The following DCAF6 variants were observed in gnomAD, a reference collection of about 807,000 sequenced individuals.
DCAF6 encodes DDB1- and CUL4-associated factor 6.
Under a neutral mutation model 125.1 loss-of-function variants are expected in DCAF6, and 54 were observed. The ratio of observed to expected loss-of-function variants is 0.43; its 90% CI spans 0.35 to 0.54. The LOEUF is 0.54. Ranked by LOEUF, DCAF6 falls within the 20% of genes least tolerant of loss-of-function variation. DCAF6 has a pLI of 0.01. For missense variants in DCAF6, 934 were observed against 1,161.7 expected, an observed-to-expected ratio of 0.80 and a Z score of 2.85; for synonymous variants, 371 against 390.4, an observed-to-expected ratio of 0.95 and a Z score of 0.58.
intron 4 of DCAF6, among the ~76,000 whole-genome samples, chr1:167,980,801 TGTTAA>T (rs1678994951): frequency 6.6e-6 from 1 of 152,172 alleles, no homozygotes; most frequent in South Asian, 2.1e-4. Context: ...CTTTTTACCC[TGTTAA>T]GTTTGATGTA....
chr1:168,040,035 G>A (rs566249611), intron 13 of DCAF6, among the ~76,000 whole-genome samples: 30 of 152,070 alleles, frequency 2.0e-4, no homozygotes, highest in Admixed American at 1.4e-3. Flanking sequence ...ATTAATAAGT[G>A]TACCATATAG....
At chr1:167,871,871 T>C in the DCAF6 span, among the ~76,000 whole-genome samples, 1 of 152,230 alleles carries the variant, frequency 6.6e-6, no homozygotes, top group East Asian at 1.9e-4. Flanking sequence ...TGAGATGTTT[T>C]GTGTTTTTCT....
Position 167,936,860 on chromosome 1 carries a change from CCTCCCCT to C in DCAF6, c.-50_-44del. The C allele has an allele frequency of 7.8e-7, 1 of 1,280,268 alleles. No homozygotes were observed. Among genetic ancestry groups the C allele is most frequent in the Non-Finnish European group, 1.1e-6 (1 of 902,782 alleles). The allele number at this position is 1,280,268 out of a possible 1,614,324, so 79.3% of individuals were successfully genotyped here. On this transcript the variant is annotated 5_prime_UTR_variant, in exon 1 of 22. Transcript: ENST00000367840. ...GTTGAAACGGGTGTCCCCTCCCCCT[CCTCCCCT>C]CCCCCACGCGGTGGTCTCCCCTCCC...
intron 5 of DCAF6, 101 bp from the exon 6 acceptor site, chr1:167,991,102 TC>T: frequency 1.0e-6 from 1 of 1,001,516 alleles, no homozygotes; most frequent in Non-Finnish European, 1.4e-6. Context: ...AATTAGGAGT[TC>T]TGAGAATGGT....
At chr1:167,871,067 GT>G in the DCAF6 span, among the ~76,000 whole-genome samples, 1 of 150,330 alleles carries the variant, frequency 6.7e-6, no homozygotes, top group South Asian at 2.1e-4. Flanking sequence ...CCTAAAGCTT[GT>G]TTTTTTTTGT....
the DCAF6 span, chr1:167,904,073 G>A: frequency 1.7e-5 from 14 of 834,628 alleles, no homozygotes; most frequent in African/African-American, 3.5e-5. Flanking sequence ...GGAAGGCAGC[G>A]GGCCTCAGCT....
chr1:167,974,850 A>C lies in DCAF6; in HGVS notation c.273A>C (p.Ser91=). The change falls in exon 4 of 22, where the codon TCA becomes TCC. Residue 91 remains serine (S), a synonymous_variant. Transcript: ENST00000367840. ...TTTAGGTTTTGACAACAATTCGTTCAGGGCACCGAGCAAACATATTTAGTG... is the reference window on the plus strand; with the variant it reads ...TTTAGGTTTTGACAACAATTCGTTCCGGGCACCGAGCAAACATATTTAGTG... The part of the protein sequence containing the change: ...YSRKVLTTIR[S]GHRANIFSAK... 1 of 1,543,354 alleles carries C rather than the reference A, an allele frequency of 6.5e-7. No homozygotes were observed. Among genetic ancestry groups the C allele is most frequent in the Non-Finnish European group, 8.7e-7 (1 of 1,145,876 alleles).
chr1:168,051,001 C>G (rs776896546), intron 17 of DCAF6, 68 bp downstream of exon 17: 1 of 744,916 alleles, frequency 1.3e-6, no homozygotes. Flanking sequence ...TTTGCCACAG[C>G]TAACCACCTT....
chr1:167,989,840 G>A (rs1571831156), intron 5 of DCAF6, among the ~76,000 whole-genome samples: 2 of 149,640 alleles, frequency 1.3e-5, no homozygotes, highest in African/African-American at 4.9e-5. Context: ...CCAACCTGGC[G>A]ACAGAGCAAA....
Position 168,003,981 on chromosome 1 carries a change from G to T in DCAF6, c.1109G>T (p.Arg370Leu). 2 of 1,611,060 alleles carry T rather than the reference G, an allele frequency of 1.2e-6. No homozygotes were observed. Among genetic ancestry groups the T allele is most frequent in the South Asian group, 2.2e-5 (2 of 90,628 alleles). Residue 370 changes from arginine (R) to leucine (L), a missense_variant, in exon 9 of 22, where the codon CGA becomes CTA. By Grantham distance (102) the Arg-to-Leu change is moderately radical (BLOSUM62 -2). Around this residue, in one of 5 missense-constraint regions of DCAF6, gnomAD observed 559 missense variants for 635.5 expected, o/e 0.88. Transcript: ENST00000367840. Reference protein sequence around the residue: ...AQSNRGRGRSRPRGGTSQSDI... With the variant: ...AQSNRGRGRSLPRGGTSQSDI... ...AGCAATAGAGGACGAGGAAGATCTC[G>T]ACCCAGAGGTAATTTTTAATGTTAA...
intron 2 of DCAF6, among the ~76,000 whole-genome samples, chr1:167,955,625 A>G (rs141705281): frequency 0.011 from 1,732 of 152,064 alleles, 14 homozygotes; most frequent in Middle Eastern, 0.051. Flanking sequence ...GTAAATAATC[A>G]AGTCATCTGA....
the DCAF6 span, chr1:167,917,807 A>G: frequency 6.6e-6 from 1 of 152,272 alleles, no homozygotes; most frequent in African/African-American, 2.4e-5. Context: ...GTAGCTGTAA[A>G]AGAATTTTAT....
chr1:167,893,758 C>T, the DCAF6 span: 1 of 567,766 alleles, frequency 1.8e-6, no homozygotes. Flanking sequence ...TTACTATTTA[C>T]TAGTAGCTGC....
At position 168,050,935 on chromosome 1, in the gene DCAF6, T is replaced by C; in HGVS notation, c.2300+2T>C. On this transcript the variant is annotated splice_donor_variant, in intron 17 of 21. Transcript: ENST00000367840. LOFTEE classifies it high-confidence loss of function. ...AACAATAGGTGATAGAATAATGAGG[T>C]AATTCAGTATGTTCCTTCATAATTT... is the stretch of plus-strand genomic sequence containing the variant. The C allele has an allele frequency of 7.3e-7, 1 of 1,375,982 alleles. No homozygotes were observed. The highest frequency in any genetic ancestry group is 2.6e-5 in the East Asian group (1 of 38,926). 85.2% of individuals were successfully genotyped at this position (1,375,982 alleles called of 1,614,324 possible).
At chr1:167,972,327 C>T (rs879520518) in intron 3 of DCAF6, among the ~76,000 whole-genome samples, 1 of 152,114 alleles carries the variant, frequency 6.6e-6, no homozygotes, top group Non-Finnish European at 1.5e-5. Context: ...ATACATAACA[C>T]GAATAATAAT....
intron 12 of DCAF6, 50 bp downstream of exon 12, chr1:168,023,097 C>G (rs774304956): frequency 6.5e-7 from 1 of 1,549,642 alleles, no homozygotes; most frequent in Admixed American, 1.7e-5. Context: ...AGCTTTATTG[C>G]AATGCATATA....
chr1:168,067,660 C>T (rs1328648633), intron 20 of DCAF6, among the ~76,000 whole-genome samples: 1 of 152,158 alleles, frequency 6.6e-6, no homozygotes, highest in Non-Finnish European at 1.5e-5. Flanking sequence ...GTGAAGGGCC[C>T]TGTGGGGCAC....
chr1:168,049,641 A>G (rs1480344971), intron 16 of DCAF6, among the ~76,000 whole-genome samples: 1 of 137,212 alleles, frequency 7.3e-6, no homozygotes, highest in Admixed American at 7.4e-5. Context: ...GATAATCTGC[A>G]TATAATTTTT....
At chr1:167,878,318 G>T in the DCAF6 span, 3 of 1,020,364 alleles carry the variant, frequency 2.9e-6, no homozygotes, top group Non-Finnish European at 4.5e-6. Flanking sequence ...TCTGGGCCTT[G>T]GTCTGGGGAA....
Sources: gnomAD v4.1 joint callset for allele counts (sites outside exome capture counted in the v4.1 genomes callset) on GRCh38, gnomAD v4.1.1 for gene constraint, gnomAD v4.1.1 regional missense constraint, MANE v1.5 for transcripts, NCBI Gene and HGNC (gene_info 2026-07-23, HGNC 2026-07-21) for gene names.